The following CMSS1 variants were observed in gnomAD, a reference collection of about 807,000 sequenced individuals.
CMSS1 encodes protein CMSS1.
A neutral mutation model predicts 43.5 loss-of-function variants in CMSS1; 33 were observed. The ratio of observed to expected loss-of-function variants is 0.76; its 90% CI spans 0.57 to 1.01. The LOEUF (loss-of-function observed/expected upper bound fraction) is 1.01. Among genes scored for constraint, CMSS1 ranks in the 50% least tolerant of loss-of-function variants. The pLI is 0.00. For missense variants in CMSS1, 313 were observed against 326.4 expected (o/e 0.96, Z 0.32); for synonymous variants, 115 against 117.2 (o/e 0.98, Z 0.12).
intron 1 of CMSS1, chr3:100,040,376 G>A (rs192750135): frequency 9.3e-4 from 142 of 152,198 alleles, no homozygotes; most frequent in African/African-American, 3.3e-3. Flanking sequence ...CTCTCCCCGA[G>A]AATCATTTGT....
chr3:100,046,261 G>C (rs2065277617), intron 1 of CMSS1, among the ~76,000 whole-genome samples: 1 of 152,166 alleles, frequency 6.6e-6, no homozygotes, highest in Non-Finnish European at 1.5e-5. Flanking sequence ...CTTCTTTAGA[G>C]TTGTGAAAAT....
At chr3:99,935,612 C>A (rs1707639186) in intron 1 of CMSS1, among the ~76,000 whole-genome samples, 1 of 152,190 alleles carries the variant, frequency 6.6e-6, no homozygotes, top group Non-Finnish European at 1.5e-5. Flanking sequence ...TGACCTCTAC[C>A]CTGTTCCTCA....
chr3:100,014,029 A>G (rs1046827052), intron 1 of CMSS1, among the ~76,000 whole-genome samples: 1 of 151,848 alleles, frequency 6.6e-6, no homozygotes, highest in African/African-American at 2.4e-5. Context: ...GCTGCTATGA[A>G]TTTGATTTTT....
intron 1 of CMSS1, among the ~76,000 whole-genome samples, chr3:100,033,964 C>T (rs553485933): frequency 6.6e-6 from 1 of 152,236 alleles, no homozygotes; most frequent in East Asian, 1.9e-4. Flanking sequence ...ATTATTTAAT[C>T]CAGATTTCTT....
intron 1 of CMSS1, among the ~76,000 whole-genome samples, chr3:99,879,331 G>A (rs1329389227): frequency 6.6e-6 from 1 of 152,146 alleles, no homozygotes; most frequent in African/African-American, 2.4e-5. Context: ...CAGTTTCCCT[G>A]GTTCGAGCTA....
intron 1 of CMSS1, among the ~76,000 whole-genome samples, chr3:100,050,090 C>G (rs1440948613): frequency 6.6e-6 from 1 of 152,152 alleles, no homozygotes. Context: ...ATCACACAGA[C>G]TCACCTGTGG....
At chr3:99,942,108 G>A (rs1002238348) in intron 1 of CMSS1, among the ~76,000 whole-genome samples, 2 of 151,956 alleles carry the variant, frequency 1.3e-5, no homozygotes, top group Admixed American at 6.6e-5. Flanking sequence ...TCCTGAGGCA[G>A]GAGAATGGCG....
intron 1 of CMSS1, among the ~76,000 whole-genome samples, chr3:100,073,069 A>C (rs1430446369): frequency 1.3e-5 from 2 of 152,236 alleles, no homozygotes; most frequent in Non-Finnish European, 2.9e-5. Flanking sequence ...GTATGTTCAT[A>C]ATAAAATGGA....
At chr3:100,031,521 G>A (rs975210747) in intron 1 of CMSS1, among the ~76,000 whole-genome samples, 3 of 152,064 alleles carry the variant, frequency 2.0e-5, no homozygotes, top group Non-Finnish European at 4.4e-5. Context: ...CAAGGAAGAA[G>A]CCACGTTACA....
At chr3:100,026,440 G>T (rs1410018012) in intron 1 of CMSS1, among the ~76,000 whole-genome samples, 1 of 151,940 alleles carries the variant, frequency 6.6e-6, no homozygotes, top group Admixed American at 6.6e-5. Flanking sequence ...GTCTCGATGG[G>T]GCAACTGCTT....
rs536273124 is a variant in CMSS1 at position 100,168,879 on chromosome 3, A to G, written c.518+1039A>G. ...GATTACAAATTATATATATATATAT[A>G]TACACACACACACATATATATATAC... On this transcript the variant is annotated intron_variant, in intron 6 of 9. Coordinates refer to ENST00000421999, the MANE Select transcript of CMSS1 (RefSeq NM_032359.4). 3.6e-3 allele frequency among the ~76,000 whole-genome samples: 536 copies of G among 150,926 alleles called. 2 individuals carry two copies. Among genetic ancestry groups the G allele is most frequent in the African/African-American group, 0.012 (510 of 41,172 alleles).
intron 1 of CMSS1, among the ~76,000 whole-genome samples, chr3:100,052,210 G>C (rs1235076609): frequency 6.6e-6 from 1 of 152,154 alleles, no homozygotes; most frequent in Non-Finnish European, 1.5e-5. Context: ...ACATGTAATT[G>C]ACTATGGCAT....
chr3:99,861,079 C>G (rs777104171), intron 1 of CMSS1, among the ~76,000 whole-genome samples: 8 of 152,124 alleles, frequency 5.3e-5, no homozygotes, highest in Non-Finnish European at 1.2e-4. Context: ...CTCCCCCACC[C>G]CCTGCTCCCA....
chr3:100,068,355 TG>T (rs1172975724), intron 1 of CMSS1, among the ~76,000 whole-genome samples: 10 of 36,044 alleles, frequency 2.8e-4, no homozygotes, highest in African/African-American at 8.4e-4. Context: ...AGCCTCTGTG[TG>T]TGTGTGTGTG....
intron 5 of CMSS1, among the ~76,000 whole-genome samples, chr3:100,166,757 G>C (rs1224184955): frequency 1.3e-5 from 2 of 152,036 alleles, no homozygotes; most frequent in Non-Finnish European, 2.9e-5. Flanking sequence ...GGCTGGAGAG[G>C]GACAGGGTCT....
intron 1 of CMSS1, among the ~76,000 whole-genome samples, chr3:99,831,155 T>G (rs1942657065): frequency 6.6e-6 from 1 of 152,224 alleles, no homozygotes; most frequent in Non-Finnish European, 1.5e-5. Context: ...TTTATAATGA[T>G]GAAAAATGGA....
At chr3:100,072,034 C>T (rs752983381) in intron 1 of CMSS1, among the ~76,000 whole-genome samples, 6 of 152,266 alleles carry the variant, frequency 3.9e-5, no homozygotes, top group South Asian at 4.1e-4. Flanking sequence ...GTAATTAGCA[C>T]GTTAGGATAA....
At chr3:100,138,725 T>A (rs1443528465) in intron 1 of CMSS1, among the ~76,000 whole-genome samples, 5 of 151,108 alleles carry the variant, frequency 3.3e-5, no homozygotes, top group Non-Finnish European at 5.9e-5. Flanking sequence ...ATAAAAACAC[T>A]TTTACACTGT....
At chr3:100,063,637 T>G (rs1354421211) in intron 1 of CMSS1, among the ~76,000 whole-genome samples, 1 of 152,222 alleles carries the variant, frequency 6.6e-6, no homozygotes, top group Non-Finnish European at 1.5e-5. Context: ...AAGGATTATT[T>G]TAATCTGGGG....
Sources: gnomAD v4.1 joint callset for allele counts (sites outside exome capture counted in the v4.1 genomes callset) on GRCh38, gnomAD v4.1.1 for gene constraint, MANE v1.5 for transcripts, NCBI Gene and HGNC (gene_info 2026-07-23, HGNC 2026-07-21) for gene names.